Variants in RAPGEF6 observed in about 807,000 individuals in gnomAD.
The protein encoded by RAPGEF6 is PDZ domain containing guanine nucleotide exchange factor (GEF) 2.
In RAPGEF6, 56 loss-of-function variants were observed where a neutral mutation model predicts 171.4. That is an observed-to-expected ratio of 0.33 (90% confidence interval 0.26 to 0.41). The LOEUF (loss-of-function observed/expected upper bound fraction) is 0.41. RAPGEF6 is among the 10% of genes least tolerant of loss of function. The pLI is 1.00. For synonymous variants in RAPGEF6, 692 were observed against 650.1 expected, an observed-to-expected ratio of 1.06 and a Z score of -0.98; for missense variants, 1,674 against 1,921.4, an observed-to-expected ratio of 0.87 and a Z score of 2.41.
chr5:131,439,613 G>C lies in RAPGEF6; in HGVS notation c.3713C>G (p.Pro1238Arg), dbSNP rs765663053. The change falls in exon 24 of 28, where the codon CCT (proline) becomes CGT (arginine). Residue 1238 changes from proline to arginine, a missense_variant. Pro to Arg is a moderately radical substitution (Grantham distance 103). Coordinates refer to ENST00000509018, the MANE Select transcript of RAPGEF6 (RefSeq NM_016340.6). ...ISVASSLHSS[P>R]PASPQGSPHK... ...AGGGGAGCCTTGAGGAGATGCAGGA[G>C]GACTAGAATGTAAAGATGACGCCAC... 6.8e-6 allele frequency: 11 copies of C among 1,612,452 alleles called. 1 individual carries two copies. The South Asian group carries it at 1.2e-4, about 18-fold the overall frequency.
intron 6 of RAPGEF6, among the ~76,000 whole-genome samples, chr5:131,533,568 A>C (rs1416675046): frequency 2.0e-5 from 3 of 152,068 alleles, no homozygotes; most frequent in Non-Finnish European, 4.4e-5. Flanking sequence ...GATCACTCTA[A>C]ATTAACATTA....
At chr5:131,431,823 A>G (rs1320903092) in intron 25 of RAPGEF6, among the ~76,000 whole-genome samples, 3 of 152,206 alleles carry the variant, frequency 2.0e-5, no homozygotes, top group African/African-American at 7.2e-5. Flanking sequence ...AAATGTAAAG[A>G]TGAGAGTTGA....
At chr5:131,632,141 T>C (rs529687718) in intron 1 of RAPGEF6, among the ~76,000 whole-genome samples, 1 of 151,358 alleles carries the variant, frequency 6.6e-6, no homozygotes, top group East Asian at 1.9e-4. Flanking sequence ...AATCTTTCAG[T>C]GCTCCCCCTC....
intron 4 of RAPGEF6, among the ~76,000 whole-genome samples, chr5:131,583,319 T>C (rs1763073680): frequency 6.6e-6 from 1 of 152,162 alleles, no homozygotes; most frequent in African/African-American, 2.4e-5. Flanking sequence ...ATTAATTGTT[T>C]TTTAAAACAG....
rs746198925 is a variant in RAPGEF6, at chr5:131,562,065, C to G, written c.282-18G>C. On this transcript the variant is annotated intron_variant, in intron 4 of 27. Transcript: ENST00000509018. Reference sequence around the variant, plus strand: ...TACCAAAACTATAAAAACAGAAAAACAATTTCTTTAGCAAAGGTTATTAAT... The same window carrying G: ...TACCAAAACTATAAAAACAGAAAAAGAATTTCTTTAGCAAAGGTTATTAAT... 2 of 1,505,744 alleles carry G rather than the reference C, an allele frequency of 1.3e-6. No individual in the cohort carries two copies. Among genetic ancestry groups the G allele is most frequent in the Non-Finnish European group, 1.8e-6 (2 of 1,108,128 alleles). 93.3% of individuals were successfully genotyped at this position (1,505,744 alleles called of 1,614,324 possible).
chr5:131,469,919 G>T, intron 17 of RAPGEF6: 1 of 827,856 alleles, frequency 1.2e-6, no homozygotes. Context: ...TAATAACTTT[G>T]AAAATGAAGG....
intron 24 of RAPGEF6, chr5:131,436,256 T>C (rs949324037): frequency 6.5e-7 from 1 of 1,537,568 alleles, no homozygotes; most frequent in Non-Finnish European, 8.7e-7. Flanking sequence ...GCCTTCTCAG[T>C]ACTGTCTGTT....
chr5:131,463,253 T>A (rs1446873494), intron 18 of RAPGEF6, among the ~76,000 whole-genome samples: 1 of 152,142 alleles, frequency 6.6e-6, no homozygotes, highest in Non-Finnish European at 1.5e-5. Flanking sequence ...AGGGATCTTG[T>A]TCTACATATG....
At chr5:131,504,539 C>T in intron 11 of RAPGEF6, 87 bp downstream of exon 11, 2 of 1,273,806 alleles carry the variant, frequency 1.6e-6, no homozygotes, top group East Asian at 2.4e-5. Flanking sequence ...AATTATCTTG[C>T]ATTACTTAAA....
chr5:131,521,975 A>C (rs912123327), intron 6 of RAPGEF6, among the ~76,000 whole-genome samples: 8 of 151,952 alleles, frequency 5.3e-5, no homozygotes, highest in Non-Finnish European at 8.8e-5. Context: ...ATAAAACAGC[A>C]ATATCTTGGA....
intron 14 of RAPGEF6, 39 bp downstream of exon 14, chr5:131,492,543 T>C (rs1480701252): frequency 1.3e-6 from 2 of 1,590,600 alleles, no homozygotes; most frequent in Non-Finnish European, 1.7e-6. Flanking sequence ...ATAATACTTT[T>C]AAGAAGGCTT....
Position 131,433,640 on chromosome 5 carries a change from G to T in RAPGEF6, c.3764C>A (p.Ser1255Ter), listed in dbSNP as rs1183107617. The T allele has an allele frequency of 1.9e-6, 3 of 1,609,250 alleles. No individual in the cohort carries two copies. In the African/African-American group the frequency reaches 4.0e-5, roughly 22 times the overall value. Reference sequence around the variant, plus strand: ...GTCAGACAAGTTGTCAGATTTAGCTGATGGAATAAGTGTGTAACCTGAACA... The same window carrying T: ...GTCAGACAAGTTGTCAGATTTAGCTTATGGAATAAGTGTGTAACCTGAACA... ...SPHKGYTLIPSAKSDNLSDSS... is the reference protein window; with the variant it reads ...SPHKGYTLIP The change falls in exon 25 of 28, where the codon TCA (serine) becomes TAA (stop). Residue 1255 changes from serine to a stop codon, truncating the protein, a stop_gained. Transcript: ENST00000509018. LOFTEE classifies it high-confidence loss of function.
At chr5:131,546,456 T>A (rs1760539493) in intron 6 of RAPGEF6, among the ~76,000 whole-genome samples, 1 of 151,956 alleles carries the variant, frequency 6.6e-6, no homozygotes, top group East Asian at 1.9e-4. Flanking sequence ...TACAAAAAAT[T>A]AGCTGGGCGT....
At chr5:131,469,439 G>A (rs953007506) in intron 17 of RAPGEF6, among the ~76,000 whole-genome samples, 7 of 152,004 alleles carry the variant, frequency 4.6e-5, no homozygotes, top group Admixed American at 2.6e-4. Flanking sequence ...GGGCTATTAA[G>A]TGAAAAGAAG....
At chr5:131,482,976 C>T (rs1755589532) in intron 15 of RAPGEF6, among the ~76,000 whole-genome samples, 1 of 152,116 alleles carries the variant, frequency 6.6e-6, no homozygotes, top group African/African-American at 2.4e-5. Context: ...TTGAAATTTT[C>T]TGTTAGAGCA....
rs544284194 is a variant in RAPGEF6 at position 131,494,688 on chromosome 5, G to A, written c.1527+865C>T. On this transcript the variant is annotated intron_variant, in intron 13 of 27. Transcript: ENST00000509018. ...ACAAAGAAAATAATAGTCATCACATGTGTGTTTTAAAAGCAATCTTTTGGC... is the reference window on the plus strand; with the variant it reads ...ACAAAGAAAATAATAGTCATCACATATGTGTTTTAAAAGCAATCTTTTGGC... 2.0e-5 allele frequency among the ~76,000 whole-genome samples: 3 copies of A among 152,322 alleles called. No individual in the cohort carries two copies. In the South Asian group the frequency reaches 6.2e-4, roughly 32 times the overall value.
At position 131,498,712 on chromosome 5, in the gene RAPGEF6, G is replaced by A. The variant is rs1000357126; in HGVS notation, c.1255-105C>T. The A allele has an allele frequency of 2.7e-5, 29 of 1,064,012 alleles. No homozygotes were observed. In the Admixed American group the frequency reaches 4.6e-4, roughly 17 times the overall value. 65.9% of individuals were successfully genotyped at this position (1,064,012 alleles called of 1,614,324 possible). On this transcript the variant is annotated intron_variant, in intron 11 of 27. Transcript: ENST00000509018. ...TTGTAGCTACTCCATTAGACAAATC[G>A]TCAAAGTACAGTTTCGCCTTTAAAT...
Position 131,492,765 on chromosome 5 carries a change from C to T in RAPGEF6, c.1548G>A (p.Arg516=). Residue 516 remains arginine (R), a synonymous_variant, in exon 14 of 28, where the codon CGG becomes CGA. Transcript: ENST00000509018. ...LEDTKMNGHL[R]LLNIACAAKA... is the part of the protein sequence containing the mutation. The stretch of plus-strand genomic sequence containing the variant: ...TTGCAGCACAGGCAATATTCAATAA[C>T]CGGAGATGACCATTCATCTTCTGTT... The T allele has an allele frequency of 6.2e-7, 1 of 1,613,096 alleles. No homozygotes were observed. The highest frequency in any genetic ancestry group is 8.5e-7 in the Non-Finnish European group (1 of 1,179,088).
intron 17 of RAPGEF6, among the ~76,000 whole-genome samples, chr5:131,467,630 A>G (rs1464775293): frequency 6.6e-6 from 1 of 152,276 alleles, no homozygotes; most frequent in East Asian, 1.9e-4. Context: ...GTTCGAATAA[A>G]GTTGAATCAA....
Sources: allele counts gnomAD v4.1 joint callset (sites outside exome capture counted in the v4.1 genomes callset), GRCh38; gene constraint gnomAD v4.1.1; transcripts MANE v1.5; gene names NCBI Gene and HGNC (gene_info 2026-07-23, HGNC 2026-07-21).